The following SPATA17 variants were observed in gnomAD, a reference collection of about 807,000 sequenced individuals.
The protein encoded by SPATA17 is spermatogenesis-associated protein 17.
SPATA17 carries 53 observed loss-of-function variants against 62.2 expected under a neutral mutation model. The ratio of observed to expected loss-of-function variants is 0.85; its 90% CI spans 0.68 to 1.07. SPATA17 has a LOEUF of 1.07. SPATA17 is among the 50% of genes least tolerant of loss of function. The pLI is 0.00. For missense variants in SPATA17, 466 were observed against 425.5 expected, an observed-to-expected ratio of 1.10 and a Z score of -0.84; for synonymous variants, 146 against 146.8, an observed-to-expected ratio of 0.99 and a Z score of 0.04.
At chr1:217,644,133 A>T (rs145843670) in intron 1 of SPATA17, among the ~76,000 whole-genome samples, 1 of 152,198 alleles carries the variant, frequency 6.6e-6, no homozygotes, top group Non-Finnish European at 1.5e-5. Context: ...TCGACCAACT[A>T]TGGTAACTTC....
intron 5 of SPATA17, among the ~76,000 whole-genome samples, chr1:217,709,494 T>C (rs1346691305): frequency 6.6e-6 from 1 of 152,042 alleles, no homozygotes; most frequent in African/African-American, 2.4e-5. Flanking sequence ...GCTTACAACA[T>C]GAAAATTGGC....
chr1:217,844,980 G>C (rs1510262), intron 9 of SPATA17, among the ~76,000 whole-genome samples: 120,731 of 151,982 alleles, frequency 0.79, 48,435 homozygotes, highest in Admixed American at 0.83. Flanking sequence ...AATACTACAT[G>C]CATAATGAAT....
Position 217,698,899 on chromosome 1 carries a change from C to T in SPATA17, c.395+15538C>T, listed in dbSNP as rs566483997. 2.6e-5 allele frequency among the ~76,000 whole-genome samples: 4 copies of T among 152,306 alleles called. No individual in the cohort carries two copies. In the South Asian group the frequency reaches 8.3e-4, roughly 32 times the overall value. ...CCCCTCACACCATCCCTAACTTCTGCCAACCATTCATCTGTTTGCCGTTTC... is the reference window on the plus strand; with the variant it reads ...CCCCTCACACCATCCCTAACTTCTGTCAACCATTCATCTGTTTGCCGTTTC... On this transcript the variant is annotated intron_variant, in intron 5 of 10. Coordinates refer to ENST00000366933, the MANE Select transcript of SPATA17 (RefSeq NM_138796.4).
chr1:217,782,175 G>T lies in SPATA17; in HGVS notation c.725G>T (p.Gly242Val), dbSNP rs757055443. 3 of 1,585,838 alleles carry T rather than the reference G, an allele frequency of 1.9e-6. No individual in the cohort carries two copies. Among genetic ancestry groups the T allele is most frequent in the African/African-American group, 1.4e-5 (1 of 73,492 alleles). Residue 242 changes from glycine (G) to valine (V), a missense_variant and splice_region_variant, in exon 8 of 11, where the codon GGG becomes GTG. Gly to Val is a moderately radical substitution (Grantham distance 109, BLOSUM62 -3). Coordinates refer to ENST00000366933, the MANE Select transcript of SPATA17 (RefSeq NM_138796.4). ...ATGTTCCTCATCCTGTCTTGTCAGG[G>T]GCCCTTCCGAGATATCACCGAAGTA... ...LPPINRKQCQ[G>V]PFRDITEVLE... is the part of the protein sequence containing the mutation.
intron 6 of SPATA17, among the ~76,000 whole-genome samples, chr1:217,752,557 C>G (rs78773366): frequency 6.6e-6 from 1 of 152,070 alleles, no homozygotes; most frequent in South Asian, 2.1e-4. Flanking sequence ...GGATTATTTA[C>G]GCTTTTGTTC....
chr1:217,862,082 C>T (rs1335276831), intron 9 of SPATA17, among the ~76,000 whole-genome samples: 3 of 150,972 alleles, frequency 2.0e-5, no homozygotes, highest in African/African-American at 7.3e-5. Flanking sequence ...AAAAAAAAAA[C>T]TCAGCCAAAA....
chr1:217,772,437 A>G (rs1204691307), intron 6 of SPATA17, among the ~76,000 whole-genome samples: 1 of 152,246 alleles, frequency 6.6e-6, no homozygotes, highest in Admixed American at 6.5e-5. Flanking sequence ...ATCCAATAAA[A>G]TTTAGTCTCC....
At chr1:217,689,108 G>T (rs1280431494) in intron 5 of SPATA17, among the ~76,000 whole-genome samples, 2 of 151,580 alleles carry the variant, frequency 1.3e-5, no homozygotes, top group Admixed American at 1.3e-4. Context: ...TAGGTTAAAT[G>T]TTGTGGATAC....
chr1:217,796,119 A>G (rs534501864), intron 8 of SPATA17, among the ~76,000 whole-genome samples: 1 of 152,294 alleles, frequency 6.6e-6, no homozygotes, highest in Non-Finnish European at 1.5e-5. Flanking sequence ...ATAAGTCCGT[A>G]AAATATCTAA....
At chr1:217,776,744 G>A (rs1673597336) in intron 7 of SPATA17, among the ~76,000 whole-genome samples, 2 of 151,982 alleles carry the variant, frequency 1.3e-5, no homozygotes, top group South Asian at 4.2e-4. Context: ...GACGGAGGGT[G>A]GGGATAGGAG....
chr1:217,664,093 C>T (rs1012091625), intron 3 of SPATA17, among the ~76,000 whole-genome samples: 9 of 151,776 alleles, frequency 5.9e-5, no homozygotes, highest in Admixed American at 5.3e-4. Context: ...GTAGGTGGAA[C>T]AGTCAAAGTT....
intron 5 of SPATA17, among the ~76,000 whole-genome samples, chr1:217,714,709 T>C (rs971440936): frequency 6.6e-6 from 1 of 151,722 alleles, no homozygotes; most frequent in Non-Finnish European, 1.5e-5. Context: ...ATGGTCTCGA[T>C]CTCCTGACCT....
intron 8 of SPATA17, among the ~76,000 whole-genome samples, chr1:217,794,880 C>T (rs750735845): frequency 6.6e-6 from 1 of 152,196 alleles, no homozygotes; most frequent in Non-Finnish European, 1.5e-5. Flanking sequence ...AATTTTGACT[C>T]TTGAGCTTGA....
intron 5 of SPATA17, among the ~76,000 whole-genome samples, chr1:217,712,282 A>C (rs1671891400): frequency 6.6e-6 from 1 of 151,544 alleles, no homozygotes; most frequent in African/African-American, 2.4e-5. Context: ...ATGTGCCACC[A>C]CGCCTGGCTA....
intron 9 of SPATA17, among the ~76,000 whole-genome samples, chr1:217,829,748 G>T (rs960347321): frequency 2.6e-5 from 4 of 151,714 alleles, no homozygotes; most frequent in African/African-American, 7.3e-5. Context: ...ACATGGGCAT[G>T]GGGAGGGGAT....
chr1:217,817,454 G>T (rs1050959337), intron 9 of SPATA17, among the ~76,000 whole-genome samples: 1 of 151,976 alleles, frequency 6.6e-6, no homozygotes, highest in African/African-American at 2.4e-5. Context: ...TTCCCCTTCT[G>T]CCATGATTGT....
intron 9 of SPATA17, among the ~76,000 whole-genome samples, chr1:217,813,926 A>G (rs926218032): frequency 6.6e-6 from 1 of 151,940 alleles, no homozygotes; most frequent in East Asian, 1.9e-4. Flanking sequence ...CTTATAGAAT[A>G]CTTTAAATGT....
At chr1:217,783,140 A>T (rs974432932) in intron 8 of SPATA17, among the ~76,000 whole-genome samples, 1 of 150,652 alleles carries the variant, frequency 6.6e-6, no homozygotes, top group South Asian at 2.1e-4. Context: ...CATTTATTGC[A>T]TTTACATAAT....
intron 6 of SPATA17, among the ~76,000 whole-genome samples, chr1:217,750,746 TCA>T (rs1299173002): frequency 1.3e-5 from 2 of 152,174 alleles, no homozygotes; most frequent in Admixed American, 6.5e-5. Context: ...CAATAGGAAC[TCA>T]CACTGACAGA....
Sources: gnomAD v4.1 joint callset for allele counts (sites outside exome capture counted in the v4.1 genomes callset) on GRCh38, gnomAD v4.1.1 for gene constraint, MANE v1.5 for transcripts, NCBI Gene and HGNC (gene_info 2026-07-23, HGNC 2026-07-21) for gene names.